CNIH3: variants seen among roughly 807,000 people sequenced by gnomAD.
The protein encoded by CNIH3 is protein cornichon homolog 3.
Under a neutral mutation model 24.1 loss-of-function variants are expected in CNIH3, and 14 were observed. The observed-to-expected ratio is 0.58, with a 90% CI of 0.38 to 0.91. The LOEUF (loss-of-function observed/expected upper bound fraction) is 0.91. CNIH3 is among the 40% of genes least tolerant of loss of function. The probability of loss-of-function intolerance (pLI) is 0.00; values close to 1 mark genes in which losing one functional copy is unlikely to be tolerated. For missense variants in CNIH3, 178 were observed against 196.8 expected, an observed-to-expected ratio of 0.90 and a Z score of 0.57; for synonymous variants, 68 against 73.8, an observed-to-expected ratio of 0.92 and a Z score of 0.40.
intron 2 of CNIH3, among the ~76,000 whole-genome samples, chr1:224,525,674 A>T (rs1362140237): frequency 6.6e-6 from 1 of 152,186 alleles, no homozygotes; most frequent in Admixed American, 6.5e-5. Context: ...ATATAGCAAG[A>T]TCTGTGGTGT....
intron 1 of CNIH3, among the ~76,000 whole-genome samples, chr1:224,660,639 G>A (rs1231196530): frequency 6.6e-6 from 1 of 151,962 alleles, no homozygotes; most frequent in Non-Finnish European, 1.5e-5. Context: ...TTAAACAATT[G>A]TCAAGACCTA....
At chr1:224,723,678 C>T (rs1688864209) in intron 3 of CNIH3, among the ~76,000 whole-genome samples, 1 of 152,250 alleles carries the variant, frequency 6.6e-6, no homozygotes, top group Non-Finnish European at 1.5e-5. Context: ...AACTTATTTT[C>T]CTTCGTGTTC....
intron 1 of CNIH3, among the ~76,000 whole-genome samples, chr1:224,653,749 A>G (rs1684972107): frequency 6.6e-6 from 1 of 152,202 alleles, no homozygotes; most frequent in Non-Finnish European, 1.5e-5. Flanking sequence ...TCTGTTTTGA[A>G]CAAAGGAAGG....
intron 1 of CNIH3, among the ~76,000 whole-genome samples, chr1:224,466,634 G>C (rs1246034907): frequency 1.3e-5 from 2 of 152,130 alleles, no homozygotes; most frequent in South Asian, 4.1e-4. Context: ...TGCAATTGCT[G>C]GGTTGTATGG....
chr1:224,465,595 G>A (rs1558084654), intron 1 of CNIH3, among the ~76,000 whole-genome samples: 1 of 152,294 alleles, frequency 6.6e-6, no homozygotes, highest in East Asian at 1.9e-4. Flanking sequence ...TGCTTGAACA[G>A]CCAGTTTTCT....
At chr1:224,706,682 G>A (rs1034822151) in intron 3 of CNIH3, among the ~76,000 whole-genome samples, 3 of 152,082 alleles carry the variant, frequency 2.0e-5, no homozygotes, top group African/African-American at 4.8e-5. Context: ...TTCTGGCCTC[G>A]CTCTTTCATC....
intron 3 of CNIH3, among the ~76,000 whole-genome samples, chr1:224,724,036 A>AC (rs1688886004): frequency 6.6e-6 from 1 of 152,090 alleles, no homozygotes; most frequent in South Asian, 2.1e-4. Context: ...GGAAACATAG[A>AC]CCCCATCTCT....
intron 5 of CNIH3, among the ~76,000 whole-genome samples, chr1:224,585,778 C>T (rs147771329): frequency 1.2e-3 from 184 of 152,182 alleles, no homozygotes; most frequent in African/African-American, 4.2e-3. Flanking sequence ...AATGAGCCAC[C>T]GCACCTAGCC....
intron 1 of CNIH3, among the ~76,000 whole-genome samples, chr1:224,509,011 G>A (rs1678028941): frequency 1.3e-5 from 2 of 152,064 alleles, no homozygotes; most frequent in Non-Finnish European, 2.9e-5. Context: ...GTCTACTCCT[G>A]GGCAAACCTC....
intron 1 of CNIH3, among the ~76,000 whole-genome samples, chr1:224,477,995 C>A (rs538978657): frequency 1.1e-4 from 16 of 152,258 alleles, no homozygotes; most frequent in African/African-American, 3.6e-4. Context: ...CCACTCTCTC[C>A]TGGCCTGTAA....
At chr1:224,537,955 T>C (rs922756677), downstream of CNIH3, among the ~76,000 whole-genome samples, 5 of 150,552 alleles carry the variant, frequency 3.3e-5, no homozygotes, top group African/African-American at 7.4e-5. Context: ...ATTATTATTA[T>C]TATTTTTTTT....
chr1:224,725,236 T>G (rs1688957368), intron 3 of CNIH3, among the ~76,000 whole-genome samples: 1 of 152,154 alleles, frequency 6.6e-6, no homozygotes, highest in Non-Finnish European at 1.5e-5. Flanking sequence ...ATAATAATGA[T>G]CACAACACAA....
intron 3 of CNIH3, among the ~76,000 whole-genome samples, chr1:224,600,657 C>T (rs1682169923): frequency 6.6e-6 from 1 of 152,236 alleles, no homozygotes; most frequent in Non-Finnish European, 1.5e-5. Context: ...CTACAGGCAC[C>T]TGCCCCTCTG....
intron 5 of CNIH3, chr1:224,587,195 GAGCAGGCAATAGTGAAGA>G (rs1681547715): frequency 6.6e-6 from 1 of 152,320 alleles, no homozygotes; most frequent in Non-Finnish European, 1.5e-5. Context: ...TGCGCTGAAG[GAGCAGGCAATAGTGAAGA>G]GTCAAGGTTT....
At chr1:224,449,067 T>A (rs1241961079) in intron 1 of CNIH3, among the ~76,000 whole-genome samples, 1 of 150,688 alleles carries the variant, frequency 6.6e-6, no homozygotes, top group African/African-American at 2.4e-5. Flanking sequence ...CAGGTTCAAG[T>A]GATTCTCCTG....
intron 5 of CNIH3, among the ~76,000 whole-genome samples, chr1:224,736,726 G>C (rs1454131694): frequency 6.6e-6 from 1 of 152,178 alleles, no homozygotes; most frequent in African/African-American, 2.4e-5. Flanking sequence ...CAGGGAGCCT[G>C]ACGGTCTTTG....
At chr1:224,714,408 C>A (rs1209504799) in intron 3 of CNIH3, among the ~76,000 whole-genome samples, 1 of 152,170 alleles carries the variant, frequency 6.6e-6, no homozygotes, top group African/African-American at 2.4e-5. Flanking sequence ...AATGGGGAGT[C>A]GCCAGTGGTG....
At chr1:224,597,660 T>C (rs6665990) in intron 3 of CNIH3, among the ~76,000 whole-genome samples, 3,962 of 152,240 alleles carry the variant, frequency 0.026, 175 homozygotes, top group African/African-American at 0.09. Flanking sequence ...ATGGAAGCTC[T>C]CCATCCCTTC....
At chr1:224,597,744 A>G (rs1238922982) in intron 3 of CNIH3, among the ~76,000 whole-genome samples, 1 of 152,210 alleles carries the variant, frequency 6.6e-6, no homozygotes, top group Non-Finnish European at 1.5e-5. Context: ...GTAAGTATAA[A>G]TAAGAGTTTC....
Sources: allele counts gnomAD v4.1 joint callset (sites outside exome capture counted in the v4.1 genomes callset), GRCh38; gene constraint gnomAD v4.1.1; transcripts MANE v1.5; gene names NCBI Gene and HGNC (gene_info 2026-07-23, HGNC 2026-07-21).